Variants in SNX3 observed in about 807,000 individuals in gnomAD.
The protein encoded by SNX3 is sorting nexin 3.
Under a neutral mutation model 17.7 loss-of-function variants are expected in SNX3, and 5 were observed. The observed-to-expected ratio is 0.28, with a 90% CI of 0.15 to 0.59. The LOEUF (loss-of-function observed/expected upper bound fraction) is 0.59, where lower values mean the gene tolerates loss of function less well. SNX3 is among the 20% of genes least tolerant of loss of function. The probability of loss-of-function intolerance (pLI) is 0.88; values close to 1 mark genes in which losing one functional copy is unlikely to be tolerated. For synonymous variants in SNX3, 91 were observed against 76.5 expected, an observed-to-expected ratio of 1.19 and a Z score of -0.99; for missense variants, 132 against 206.8, an observed-to-expected ratio of 0.64 and a Z score of 2.22.
chr6:108,222,168 G>C (rs567233870), intron 2 of SNX3: 153 of 1,251,684 alleles, frequency 1.2e-4, no homozygotes, highest in Admixed American at 1.2e-4. Context: ...TTAAACTTGA[G>C]AAATGAGTAC....
rs1232782852 is a variant in SNX3, at chr6:108,211,498, A to G, written c.*651T>C. 1 of 152,592 alleles carries G rather than the reference A, an allele frequency of 6.6e-6. No homozygotes were observed. Among genetic ancestry groups the G allele is most frequent in the Middle Eastern group, 3.2e-3 (1 of 316 alleles). The allele number at this position is 152,592 out of a possible 1,614,324, so 9.5% of individuals were successfully genotyped here. A position where few individuals can be genotyped will look rare whatever the true frequency, so the allele number is the denominator to read the frequency against. On this transcript the variant is annotated 3_prime_UTR_variant, in exon 4 of 4. Transcript: ENST00000230085. ...ACTCATAGAGAGCAAAAAAAGCTGGAGGCAACACAATCAGTGCATATCAGA... is the reference window on the plus strand; with the variant it reads ...ACTCATAGAGAGCAAAAAAAGCTGGGGGCAACACAATCAGTGCATATCAGA...
In SNX3 at chr6:108,245,619, T is replaced by C. The variant is rs180705476; in HGVS notation, c.162+15141A>G. Among the ~76,000 whole-genome samples the C allele has an allele frequency of 4.6e-5, 7 of 152,346 alleles. No individual in the cohort carries two copies. In the East Asian group the frequency reaches 1.3e-3, roughly 29 times the overall value. On this transcript the variant is annotated intron_variant, in intron 1 of 3. Coordinates refer to ENST00000230085, the MANE Select transcript of SNX3 (RefSeq NM_003795.6). ...TCTCCACATTCTCGCCAGCATCTGT[T>C]GTTTCCTGACTTTTTAACGACTGCC... is the stretch of plus-strand genomic sequence containing the variant.
chr6:108,247,964 T>A (rs1158916483), intron 1 of SNX3, among the ~76,000 whole-genome samples: 2 of 152,062 alleles, frequency 1.3e-5, no homozygotes, highest in East Asian at 3.9e-4. Flanking sequence ...AAAATAACAA[T>A]TTTAAAACCA....
At chr6:108,232,524 C>T (rs747219303) in intron 1 of SNX3, among the ~76,000 whole-genome samples, 3 of 152,008 alleles carry the variant, frequency 2.0e-5, no homozygotes, top group Non-Finnish European at 4.4e-5. Context: ...TCACTGATAG[C>T]CAAGCAGAAA....
At position 108,211,485 on chromosome 6, in the gene SNX3, C is replaced by G. The variant is rs946305435; in HGVS notation, c.*664G>C. Reference sequence around the variant, plus strand: ...GACTTAAGTAGTCACTCATAGAGAGCAAAAAAAGCTGGAGGCAACACAATC... The same window carrying G: ...GACTTAAGTAGTCACTCATAGAGAGGAAAAAAAGCTGGAGGCAACACAATC... On this transcript the variant is annotated 3_prime_UTR_variant, in exon 4 of 4. Transcript: ENST00000230085. 6.6e-6 allele frequency: 1 copy of G among 152,290 alleles called. No homozygotes were observed. The highest frequency in any genetic ancestry group is 2.4e-5 in the African/African-American group (1 of 41,380). 9.4% of individuals were successfully genotyped at this position (152,290 alleles called of 1,614,324 possible).
intron 1 of SNX3, among the ~76,000 whole-genome samples, chr6:108,231,854 C>A (rs1291471564): frequency 6.6e-6 from 1 of 152,156 alleles, no homozygotes; most frequent in African/African-American, 2.4e-5. Flanking sequence ...TGAAGGAAAG[C>A]CCCACTCCCT....
chr6:108,251,050 A>G (rs1775841663), intron 1 of SNX3, among the ~76,000 whole-genome samples: 2 of 152,120 alleles, frequency 1.3e-5, no homozygotes, highest in Non-Finnish European at 1.5e-5. Context: ...TAAAACCAAA[A>G]TAGTTTTAAG....
intron 2 of SNX3, among the ~76,000 whole-genome samples, chr6:108,218,018 T>C (rs1000780136): frequency 1.3e-5 from 2 of 152,176 alleles, no homozygotes; most frequent in Non-Finnish European, 2.9e-5. Flanking sequence ...AGTAAAACTT[T>C]CACATGGATT....
At chr6:108,221,400 T>TA (rs1204977278) in intron 2 of SNX3, among the ~76,000 whole-genome samples, 2 of 151,956 alleles carry the variant, frequency 1.3e-5, no homozygotes, top group African/African-American at 4.8e-5. Flanking sequence ...GAGGGGACCT[T>TA]AATTTGTTCA....
Position 108,260,798 on chromosome 6 carries a change from CG to C in SNX3, c.123del (p.Gly42AlafsTer21). On this transcript the variant is annotated frameshift_variant, in exon 1 of 4. Transcript: ENST00000230085. LOFTEE classifies it high-confidence loss of function. The part of the protein sequence containing the change: ...IDVSNPQTVG[V>X]GRGRFTTYEI... ...TCGTAAGTGGTGAAGCGGCCCCGGC[CG>C]ACCCCCACCGTTTGCGGGTTGCTCA... 1 of 1,613,904 alleles carries C rather than the reference CG, an allele frequency of 6.2e-7. No homozygotes were observed.
chr6:108,220,752 C>T lies in SNX3; in HGVS notation c.258+2198G>A, dbSNP rs376058619. 3.4e-4 allele frequency among the ~76,000 whole-genome samples: 52 copies of T among 152,132 alleles called. 2 individuals carry two copies. The South Asian group carries it at 8.9e-3, about 26-fold the overall frequency. ...CAGCACTTTGGGAGGCCGAGGAGGGCGGATCACCTGAGGTCAGGAGTTCGA... is the reference window on the plus strand; with the variant it reads ...CAGCACTTTGGGAGGCCGAGGAGGGTGGATCACCTGAGGTCAGGAGTTCGA... On this transcript the variant is annotated intron_variant, in intron 2 of 3. Coordinates refer to ENST00000230085, the MANE Select transcript of SNX3 (RefSeq NM_003795.6).
chr6:108,253,575 C>T (rs1445363370), intron 1 of SNX3, among the ~76,000 whole-genome samples: 1 of 152,006 alleles, frequency 6.6e-6, no homozygotes, highest in Non-Finnish European at 1.5e-5. Flanking sequence ...TATTTAAATG[C>T]CTCCCCTCCA....
intron 2 of SNX3, among the ~76,000 whole-genome samples, chr6:108,218,102 T>C (rs1259533749): frequency 1.3e-5 from 2 of 152,198 alleles, no homozygotes; most frequent in Admixed American, 1.3e-4. Context: ...ATCAAGAAAG[T>C]GAAAAACAAC....
At chr6:108,217,628 T>C (rs1490529452) in intron 2 of SNX3, among the ~76,000 whole-genome samples, 7 of 151,816 alleles carry the variant, frequency 4.6e-5, no homozygotes, top group Non-Finnish European at 2.9e-5. Context: ...TGGTGGTGCA[T>C]GCTTGTAACC....
chr6:108,244,198 C>T (rs1424853447), intron 1 of SNX3, among the ~76,000 whole-genome samples: 2 of 152,132 alleles, frequency 1.3e-5, no homozygotes, highest in African/African-American at 4.8e-5. Context: ...CTCTGTCACC[C>T]AGGCTGGAGT....
intron 1 of SNX3, among the ~76,000 whole-genome samples, chr6:108,234,285 G>A (rs928627022): frequency 1.3e-4 from 19 of 151,338 alleles, no homozygotes; most frequent in Non-Finnish European, 2.6e-4. Flanking sequence ...GGGTGCAGTG[G>A]CTCACGCCTG....
At chr6:108,231,242 C>A (rs1036462498) in intron 1 of SNX3, among the ~76,000 whole-genome samples, 2 of 152,084 alleles carry the variant, frequency 1.3e-5, no homozygotes, top group African/African-American at 4.8e-5. Context: ...CGCGCCACCA[C>A]GCCCGGCTAA....
intron 1 of SNX3, among the ~76,000 whole-genome samples, chr6:108,239,931 A>G (rs1240289868): frequency 6.6e-6 from 1 of 152,230 alleles, no homozygotes; most frequent in Non-Finnish European, 1.5e-5. Context: ...GAGTAAAAGC[A>G]TAATAATGTG....
chr6:108,253,802 T>C (rs1209218531), intron 1 of SNX3, among the ~76,000 whole-genome samples: 1 of 152,172 alleles, frequency 6.6e-6, no homozygotes, highest in African/African-American at 2.4e-5. Context: ...CCTTGCTGCA[T>C]ATAAGTGCCC....
Sources: gnomAD v4.1 joint callset for allele counts (sites outside exome capture counted in the v4.1 genomes callset) on GRCh38, gnomAD v4.1.1 for gene constraint, MANE v1.5 for transcripts, NCBI Gene and HGNC (gene_info 2026-07-23, HGNC 2026-07-21) for gene names.